Variants in RNF182 observed in about 807,000 individuals in gnomAD.
RNF182 encodes the protein E3 ubiquitin-protein ligase RNF182.
Under a neutral mutation model 14.4 loss-of-function variants are expected in RNF182, and 15 were observed. That is an observed-to-expected ratio of 1.04 (90% CI 0.70 to 1.60). The LOEUF (loss-of-function observed/expected upper bound fraction) is 1.60. RNF182 is among the 40% of genes most tolerant of loss of function. RNF182 has a pLI of 0.00. For missense variants in RNF182, 268 were observed against 294.8 expected (o/e 0.91, Z 0.67); for synonymous variants, 128 against 122.9 (o/e 1.04, Z -0.27).
At chr6:13,935,437 C>A (rs770118945) in intron 1 of RNF182, among the ~76,000 whole-genome samples, 1 of 151,988 alleles carries the variant, frequency 6.6e-6, no homozygotes, top group Non-Finnish European at 1.5e-5. Flanking sequence ...TGTATCATGA[C>A]CAAATAAATT....
chr6:13,972,657 G>T (rs1760219908), intron 1 of RNF182, among the ~76,000 whole-genome samples: 1 of 152,216 alleles, frequency 6.6e-6, no homozygotes, highest in Non-Finnish European at 1.5e-5. Context: ...TTCAGAGGGT[G>T]CAAGCCCCAA....
chr6:13,926,222 C>A (rs1342725464), intron 1 of RNF182, among the ~76,000 whole-genome samples: 1 of 152,092 alleles, frequency 6.6e-6, no homozygotes, highest in Non-Finnish European at 1.5e-5. Context: ...ATATGGAATG[C>A]AAGAAATTAT....
intron 1 of RNF182, among the ~76,000 whole-genome samples, chr6:13,947,905 A>G (rs992654614): frequency 2.0e-5 from 3 of 152,246 alleles, no homozygotes; most frequent in Non-Finnish European, 2.9e-5. Flanking sequence ...GTAAATAGCT[A>G]TATCACCATA....
At chr6:13,927,532 C>G (rs1233793472) in intron 1 of RNF182, among the ~76,000 whole-genome samples, 1 of 152,188 alleles carries the variant, frequency 6.6e-6, no homozygotes, top group East Asian at 1.9e-4. Context: ...GTCACCATAG[C>G]TGTATTCTAC....
At chr6:13,972,536 A>T (rs192922864) in intron 1 of RNF182, among the ~76,000 whole-genome samples, 2 of 152,074 alleles carry the variant, frequency 1.3e-5, no homozygotes, top group African/African-American at 4.8e-5. Context: ...AAGAGAAAAA[A>T]TGGTTTTGTG....
intron 1 of RNF182, among the ~76,000 whole-genome samples, chr6:13,945,369 T>TAA (rs1759412279): frequency 6.6e-6 from 1 of 152,214 alleles, no homozygotes; most frequent in East Asian, 1.9e-4. Flanking sequence ...TGCCAGGGCA[T>TAA]TCTTTTAGCA....
In RNF182 at chr6:13,977,480, C is replaced by T. The variant is rs753237573; in HGVS notation, c.361C>T (p.Pro121Ser). ...CAAGAGGCTGGCCTCTCTGGTCAGT[C>T]CTTCTCACACGTCCTCCAACTGCCT... is the stretch of plus-strand genomic sequence containing the variant. ...TPKRLASLVSPSHTSSNCLVI... is the reference protein window; with the variant it reads ...TPKRLASLVSSSHTSSNCLVI... Residue 121 changes from proline to serine, a missense_variant, in exon 3 of 3, where the codon CCT (proline) becomes TCT (serine). Transcript: ENST00000488300. 1 of 1,614,192 alleles carries T rather than the reference C, an allele frequency of 6.2e-7. No homozygotes were observed. The highest frequency in any genetic ancestry group is 1.1e-5 in the South Asian group (1 of 91,084).
intron 1 of RNF182, chr6:13,949,071 T>A (rs1459630799): frequency 2.9e-6 from 2 of 699,140 alleles, no homozygotes; most frequent in East Asian, 2.5e-5. Context: ...TTTATAACCC[T>A]TTAAATTTTT....
At chr6:13,964,710 G>A (rs1759973551) in intron 1 of RNF182, among the ~76,000 whole-genome samples, 1 of 152,192 alleles carries the variant, frequency 6.6e-6, no homozygotes, top group Admixed American at 6.5e-5. Context: ...AGTCCCACCA[G>A]AAGATCAGGA....
chr6:13,977,596 C>T lies in RNF182; in HGVS notation c.477C>T (p.Asp159=). The change falls in exon 3 of 3, where the codon GAC becomes GAT. Residue 159 remains aspartate (D), a synonymous_variant. Coordinates refer to ENST00000488300, the MANE Select transcript of RNF182 (RefSeq NM_152737.4). ...VVEFYRPASF[D]SVTTVSHNWT... is the part of the protein sequence containing the mutation. ...AATTTTATAGGCCTGCGAGTTTCGA[C>T]TCTGTCACCACTGTGTCACACAACT... 1 of 1,614,212 alleles carries T rather than the reference C, an allele frequency of 6.2e-7. No homozygotes were observed. The highest frequency in any genetic ancestry group is 8.5e-7 in the Non-Finnish European group (1 of 1,180,034).
intron 1 of RNF182, among the ~76,000 whole-genome samples, chr6:13,948,373 C>G (rs1398956963): frequency 6.6e-6 from 1 of 152,116 alleles, no homozygotes; most frequent in Admixed American, 6.6e-5. Context: ...AATTTGGCCC[C>G]TTGTGGCACA....
chr6:13,928,341 A>G (rs1351639695), intron 1 of RNF182, among the ~76,000 whole-genome samples: 1 of 152,170 alleles, frequency 6.6e-6, no homozygotes, highest in Non-Finnish European at 1.5e-5. Context: ...TTCCTTCTAT[A>G]TATTCTATGT....
chr6:13,939,945 C>T (rs1759246590), intron 1 of RNF182, among the ~76,000 whole-genome samples: 1 of 152,232 alleles, frequency 6.6e-6, no homozygotes, highest in Admixed American at 6.5e-5. Flanking sequence ...TTTCTGTGTA[C>T]ATCACTGTAT....
At chr6:13,925,690 C>A (rs984508917) in intron 1 of RNF182, among the ~76,000 whole-genome samples, 4 of 152,164 alleles carry the variant, frequency 2.6e-5, no homozygotes, top group African/African-American at 9.7e-5. Context: ...GAGGTCATTG[C>A]TTTTGTTTCT....
chr6:13,961,917 G>A (rs1161574644), intron 1 of RNF182, among the ~76,000 whole-genome samples: 1 of 152,038 alleles, frequency 6.6e-6, no homozygotes, highest in Non-Finnish European at 1.5e-5. Flanking sequence ...ATGAGTACTT[G>A]GCATTTGTTG....
intron 1 of RNF182, among the ~76,000 whole-genome samples, chr6:13,972,177 C>T (rs574223826): frequency 9.9e-5 from 15 of 151,588 alleles, no homozygotes; most frequent in African/African-American, 2.4e-4. Context: ...TGGTGGAACG[C>T]GCCTGTAGTC....
rs575296374 is a variant in RNF182 at position 13,950,997 on chromosome 6, A to G, written c.-366-23213A>G. 8.5e-5 allele frequency among the ~76,000 whole-genome samples: 13 copies of G among 152,108 alleles called. No homozygotes were observed. In the East Asian group the frequency reaches 2.3e-3, roughly 27 times the overall value. On this transcript the variant is annotated intron_variant, in intron 1 of 2. Transcript: ENST00000488300. ...TATTTAGTAGAGACGGGGTGTCACCATGTTGGCCAGGCTGGTCTTGAACAC... is the reference window on the plus strand; with the variant it reads ...TATTTAGTAGAGACGGGGTGTCACCGTGTTGGCCAGGCTGGTCTTGAACAC...
intron 1 of RNF182, among the ~76,000 whole-genome samples, chr6:13,935,303 T>TC (rs1470294402): frequency 7.5e-6 from 1 of 133,054 alleles, no homozygotes; most frequent in African/African-American, 2.6e-5. Context: ...AGAAACAATG[T>TC]CTTTTTTTTT....
At chr6:13,952,561 C>A (rs280168) in intron 1 of RNF182, among the ~76,000 whole-genome samples, 1 of 151,376 alleles carries the variant, frequency 6.6e-6, no homozygotes, top group African/African-American at 2.4e-5. Flanking sequence ...TACGGTTTAT[C>A]CAAAGTCGGC....
Sources: gnomAD v4.1 joint callset for allele counts (sites outside exome capture counted in the v4.1 genomes callset) on GRCh38, gnomAD v4.1.1 for gene constraint, MANE v1.5 for transcripts, NCBI Gene and HGNC (gene_info 2026-07-23, HGNC 2026-07-21) for gene names.